The following GRB14 variants were observed in gnomAD, a reference collection of about 807,000 sequenced individuals.
GRB14 encodes the protein growth factor receptor bound protein 14.
In GRB14, 38 loss-of-function variants were observed where a neutral mutation model predicts 69.1. That is an observed-to-expected ratio of 0.55 (90% CI 0.42 to 0.72). The LOEUF (loss-of-function observed/expected upper bound fraction) is 0.72. Ranked by LOEUF, GRB14 falls within the 30% of genes least tolerant of loss-of-function variation. GRB14 has a pLI of 0.00. For synonymous variants in GRB14, 247 were observed against 241.3 expected (o/e 1.02, Z -0.22); for missense variants, 666 against 666.1 (o/e 1.00, Z 0.00).
intron 2 of GRB14, among the ~76,000 whole-genome samples, chr2:164,551,575 T>C (rs2105313961): frequency 6.6e-6 from 1 of 152,270 alleles, no homozygotes; most frequent in Admixed American, 6.5e-5. Context: ...CCAAACCAAA[T>C]AAGACAAACA....
rs192308790 is a variant in GRB14, at chr2:164,586,567, G to A, written c.324+33120C>T. On this transcript the variant is annotated intron_variant, in intron 2 of 13. Coordinates refer to ENST00000263915, the MANE Select transcript of GRB14 (RefSeq NM_004490.3). Reference sequence around the variant, plus strand: ...CCCCTTTCCATATATGCTTTGACTCGTTTCTATGTGCTGATCTCTGCATTT... The same window carrying A: ...CCCCTTTCCATATATGCTTTGACTCATTTCTATGTGCTGATCTCTGCATTT... Among the ~76,000 whole-genome samples the A allele has an allele frequency of 7.2e-5, 11 of 152,108 alleles. No homozygotes were observed. In the East Asian group the frequency reaches 9.7e-4, roughly 13 times the overall value.
intron 3 of GRB14, among the ~76,000 whole-genome samples, chr2:164,542,655 A>C (rs1050549648): frequency 1.3e-5 from 2 of 152,152 alleles, no homozygotes; most frequent in African/African-American, 4.8e-5. Flanking sequence ...CCACATCACT[A>C]ATCATCAGAG....
intron 6 of GRB14, among the ~76,000 whole-genome samples, chr2:164,514,796 G>A (rs142980776): frequency 6.6e-6 from 1 of 152,276 alleles, no homozygotes; most frequent in East Asian, 1.9e-4. Context: ...TCCTCAGTTG[G>A]GAGGCTGGTT....
chr2:164,514,659 T>C (rs148596453), intron 6 of GRB14, among the ~76,000 whole-genome samples: 2 of 151,948 alleles, frequency 1.3e-5, no homozygotes, highest in East Asian at 3.9e-4. Flanking sequence ...AGCTGAACTT[T>C]GTAACAATTT....
chr2:164,568,083 C>G (rs1689026616), intron 2 of GRB14, among the ~76,000 whole-genome samples: 2 of 152,122 alleles, frequency 1.3e-5, no homozygotes, highest in South Asian at 4.1e-4. Flanking sequence ...AAATCGAGAT[C>G]AAACTTCTTT....
intron 2 of GRB14, among the ~76,000 whole-genome samples, chr2:164,559,551 T>C (rs1360703833): frequency 1.3e-5 from 2 of 152,204 alleles, no homozygotes; most frequent in Admixed American, 1.3e-4. Flanking sequence ...TTTGATTTTT[T>C]ATTCCCGAGT....
intron 2 of GRB14, among the ~76,000 whole-genome samples, chr2:164,555,872 T>TA (rs1330407029): frequency 6.6e-6 from 1 of 151,824 alleles, no homozygotes; most frequent in Non-Finnish European, 1.5e-5. Flanking sequence ...GTTTATCATC[T>TA]AACCACAGTA....
chr2:164,548,610 T>C (rs1019537610), intron 2 of GRB14, among the ~76,000 whole-genome samples: 2 of 152,174 alleles, frequency 1.3e-5, no homozygotes, highest in African/African-American at 2.4e-5. Flanking sequence ...GGCAGTTCTA[T>C]TTTTAATTTC....
At chr2:164,540,625 A>T (rs996612686) in intron 3 of GRB14, among the ~76,000 whole-genome samples, 13 of 151,986 alleles carry the variant, frequency 8.6e-5, no homozygotes, top group African/African-American at 2.9e-4. Context: ...AATAAATAAA[A>T]AATAAAGCAC....
intron 9 of GRB14, among the ~76,000 whole-genome samples, chr2:164,500,238 A>ATGTCTGCTGC (rs1038259924): frequency 9.9e-5 from 15 of 152,168 alleles, no homozygotes; most frequent in Non-Finnish European, 2.9e-5. Context: ...GCTTCCTGAA[A>ATGTCTGCTGC]TGTCTGCTGC....
chr2:164,504,419 CA>C (rs1024169421), intron 8 of GRB14, among the ~76,000 whole-genome samples: 64 of 152,192 alleles, frequency 4.2e-4, no homozygotes, highest in African/African-American at 1.3e-3. Context: ...CTGCACCAGC[CA>C]GGGGGATCCA....
At chr2:164,580,850 T>C (rs747421827) in intron 2 of GRB14, among the ~76,000 whole-genome samples, 22 of 152,208 alleles carry the variant, frequency 1.4e-4, no homozygotes, top group Non-Finnish European at 2.8e-4. Flanking sequence ...AATGTATATT[T>C]AACATGCTTT....
At chr2:164,575,970 C>A (rs1689242365) in intron 2 of GRB14, among the ~76,000 whole-genome samples, 1 of 152,046 alleles carries the variant, frequency 6.6e-6, no homozygotes, top group African/African-American at 2.4e-5. Context: ...TCAGTTGAAT[C>A]ATAAGACAGA....
chr2:164,500,966 G>A (rs1465923203), intron 9 of GRB14, among the ~76,000 whole-genome samples: 2 of 151,994 alleles, frequency 1.3e-5, no homozygotes, highest in Admixed American at 1.3e-4. Flanking sequence ...CAAATATTTG[G>A]CTGCTATTAA....
In GRB14 at chr2:164,525,083, C is replaced by T. The variant is rs545980123; in HGVS notation, c.604-5G>A. On this transcript the variant is annotated splice_polypyrimidine_tract_variant and splice_region_variant and intron_variant, in intron 4 of 13. Transcript: ENST00000263915. ...CATATGCTCTGGAAAAAAATACTGTCAAAAAGACACAGTTAAATTATCACA... is the reference window on the plus strand; with the variant it reads ...CATATGCTCTGGAAAAAAATACTGTTAAAAAGACACAGTTAAATTATCACA... 5.9e-6 allele frequency: 9 copies of T among 1,530,558 alleles called. No homozygotes were observed. In the Admixed American group the frequency reaches 8.9e-5, roughly 15 times the overall value. 94.8% of individuals were successfully genotyped at this position (1,530,558 alleles called of 1,614,324 possible). A position where few individuals can be genotyped will look rare whatever the true frequency, so the allele number is the denominator to read the frequency against.
At chr2:164,588,835 T>C (rs1185293677) in intron 2 of GRB14, among the ~76,000 whole-genome samples, 1 of 152,234 alleles carries the variant, frequency 6.6e-6, no homozygotes, top group Non-Finnish European at 1.5e-5. Flanking sequence ...CAATTTTAAG[T>C]AACATCGTTC....
rs1687650136 is a variant in GRB14 at position 164,522,124 on chromosome 2, G to T, written c.679-7C>A. 6.6e-7 allele frequency: 1 copy of T among 1,513,222 alleles called. No homozygotes were observed. The highest frequency in any genetic ancestry group is 1.2e-5 in the South Asian group (1 of 84,170). The allele number at this position is 1,513,222 out of a possible 1,614,324, so 93.7% of individuals were successfully genotyped here. A position where few individuals can be genotyped will look rare whatever the true frequency, so the allele number is the denominator to read the frequency against. On this transcript the variant is annotated splice_region_variant and splice_polypyrimidine_tract_variant and intron_variant, in intron 5 of 13. Transcript: ENST00000263915. ...TGCTTGAACTCAGAAACATCTGAAA[G>T]AAAATTTATATATTTTCAAACTATG...
At chr2:164,502,632 G>C (rs1687086481) in intron 8 of GRB14, among the ~76,000 whole-genome samples, 1 of 151,222 alleles carries the variant, frequency 6.6e-6, no homozygotes, top group Non-Finnish European at 1.5e-5. Context: ...ACTATCTGGA[G>C]TAGTACACTG....
chr2:164,575,220 C>T (rs1389513558), intron 2 of GRB14, among the ~76,000 whole-genome samples: 1 of 152,094 alleles, frequency 6.6e-6, no homozygotes, highest in African/African-American at 2.4e-5. Flanking sequence ...TAAATTCAAT[C>T]AAACTCATTA....
Sources: allele counts gnomAD v4.1 joint callset (sites outside exome capture counted in the v4.1 genomes callset), GRCh38; gene constraint gnomAD v4.1.1; transcripts MANE v1.5; gene names NCBI Gene and HGNC (gene_info 2026-07-23, HGNC 2026-07-21).